Variants in PDE7B observed in about 807,000 individuals in gnomAD.
PDE7B encodes 3',5'-cyclic-AMP phosphodiesterase 7B.
Under a neutral mutation model 56.2 loss-of-function variants are expected in PDE7B, and 29 were observed. The observed-to-expected ratio is 0.52, with a 90% CI of 0.38 to 0.70. The LOEUF is 0.70. Among genes scored for constraint, PDE7B ranks in the 30% least tolerant of loss-of-function variants. PDE7B has a pLI of 0.00. For synonymous variants in PDE7B, 197 were observed against 196.9 expected, an observed-to-expected ratio of 1.00 and a Z score of 0.00; for missense variants, 490 against 565.0, an observed-to-expected ratio of 0.87 and a Z score of 1.35.
At chr6:136,096,677 T>C (rs1233887387) in intron 2 of PDE7B, among the ~76,000 whole-genome samples, 1 of 152,028 alleles carries the variant, frequency 6.6e-6, no homozygotes, top group Non-Finnish European at 1.5e-5. Context: ...ACTATTATTC[T>C]TAAGATCAGC....
intron 9 of PDE7B, among the ~76,000 whole-genome samples, chr6:136,175,362 G>A (rs1406844678): frequency 6.6e-6 from 1 of 152,110 alleles, no homozygotes; most frequent in Non-Finnish European, 1.5e-5. Flanking sequence ...ATTGTAGAAA[G>A]TAAGGAAAAT....
chr6:135,948,092 T>C (rs1242238545), intron 2 of PDE7B, among the ~76,000 whole-genome samples: 2 of 151,984 alleles, frequency 1.3e-5, no homozygotes, highest in South Asian at 2.1e-4. Flanking sequence ...TGTTAGGTAA[T>C]GAAGTTGGTA....
At position 135,877,626 on chromosome 6, in the gene PDE7B, T is replaced by C. The variant is rs1472971050; in HGVS notation, c.21+25607T>C. Among the ~76,000 whole-genome samples the C allele has an allele frequency of 3.3e-5, 5 of 152,012 alleles. No individual in the cohort carries two copies. The South Asian group carries it at 8.3e-4, about 25-fold the overall frequency. On this transcript the variant is annotated intron_variant, in intron 1 of 12. Coordinates refer to ENST00000308191, the MANE Select transcript of PDE7B (RefSeq NM_018945.4). ...ATTGGACAATAAAACCCTAACCCTA[T>C]ACCAGAGGTCTCAGAAGTCATTAAT...
At chr6:136,066,537 C>A (rs1055132243) in intron 2 of PDE7B, among the ~76,000 whole-genome samples, 3 of 152,144 alleles carry the variant, frequency 2.0e-5, no homozygotes, top group African/African-American at 7.2e-5. Flanking sequence ...ATAGCCTGGG[C>A]AACTGCAAAA....
intron 2 of PDE7B, among the ~76,000 whole-genome samples, chr6:136,098,436 T>C (rs1777507113): frequency 6.6e-6 from 1 of 152,210 alleles, no homozygotes; most frequent in Admixed American, 6.5e-5. Context: ...ATCATCAATC[T>C]AGAAGAAGGA....
chr6:136,097,517 T>C (rs1774368016), intron 2 of PDE7B, among the ~76,000 whole-genome samples: 1 of 152,166 alleles, frequency 6.6e-6, no homozygotes, highest in South Asian at 2.1e-4. Flanking sequence ...TTTTCTCACC[T>C]GGACTCTTAA....
chr6:136,153,030 T>A (rs371465628), intron 6 of PDE7B, among the ~76,000 whole-genome samples: 2 of 152,218 alleles, frequency 1.3e-5, no homozygotes, highest in East Asian at 1.9e-4. Flanking sequence ...ATATACCTGC[T>A]GAATAAAAAG....
intron 2 of PDE7B, 114 bp from the exon 3 acceptor site, chr6:136,108,617 T>C (rs1048336246): frequency 3.9e-5 from 29 of 752,048 alleles, no homozygotes; most frequent in South Asian, 3.7e-4. Flanking sequence ...GTATGGTGAA[T>C]GGGAACCATT....
At chr6:135,959,470 C>CA (rs1358272510) in intron 2 of PDE7B, among the ~76,000 whole-genome samples, 1 of 152,002 alleles carries the variant, frequency 6.6e-6, no homozygotes, top group East Asian at 1.9e-4. Context: ...ATATTGAACT[C>CA]AAAAATACAT....
At chr6:136,131,661 C>G (rs1386495663) in intron 3 of PDE7B, among the ~76,000 whole-genome samples, 1 of 152,078 alleles carries the variant, frequency 6.6e-6, no homozygotes, top group Non-Finnish European at 1.5e-5. Flanking sequence ...TGTATAATAA[C>G]ATAATAATCA....
At chr6:136,053,850 A>G (rs1776679307) in intron 2 of PDE7B, among the ~76,000 whole-genome samples, 1 of 152,148 alleles carries the variant, frequency 6.6e-6, no homozygotes, top group African/African-American at 2.4e-5. Flanking sequence ...GGCTGCACAA[A>G]TGTCTTCTTT....
intron 1 of PDE7B, among the ~76,000 whole-genome samples, chr6:135,854,515 A>G (rs1043017454): frequency 5.3e-5 from 8 of 152,178 alleles, no homozygotes; most frequent in African/African-American, 1.9e-4. Context: ...TCTATGTTCT[A>G]GGGGGTACAT....
intron 3 of PDE7B, among the ~76,000 whole-genome samples, chr6:136,116,492 G>T (rs1486051890): frequency 6.6e-6 from 1 of 152,246 alleles, no homozygotes; most frequent in Non-Finnish European, 1.5e-5. Context: ...GACTGTGATG[G>T]CTGTAGAGAT....
At chr6:136,009,199 T>C (rs868850827) in intron 2 of PDE7B, among the ~76,000 whole-genome samples, 47 of 152,146 alleles carry the variant, frequency 3.1e-4, no homozygotes, top group African/African-American at 1.1e-3. Flanking sequence ...TCTATATCTC[T>C]GTTTTGGTAC....
chr6:135,905,871 T>C (rs1382360410), intron 1 of PDE7B, among the ~76,000 whole-genome samples: 1 of 152,182 alleles, frequency 6.6e-6, no homozygotes, highest in Non-Finnish European at 1.5e-5. Context: ...GGAGTGGTGG[T>C]CACAGGCATC....
At chr6:136,121,081 C>T (rs1001178655) in intron 3 of PDE7B, among the ~76,000 whole-genome samples, 2 of 152,186 alleles carry the variant, frequency 1.3e-5, no homozygotes, top group Non-Finnish European at 1.5e-5. Context: ...AACAAGTTTT[C>T]CCTGTCCCTC....
intron 1 of PDE7B, among the ~76,000 whole-genome samples, chr6:135,925,988 G>T (rs1774176666): frequency 6.7e-6 from 1 of 149,106 alleles, no homozygotes; most frequent in Admixed American, 6.9e-5. Flanking sequence ...CAAAAGAAAA[G>T]AATATAAATT....
At chr6:135,933,958 A>G (rs1487496386) in intron 1 of PDE7B, among the ~76,000 whole-genome samples, 2 of 152,192 alleles carry the variant, frequency 1.3e-5, no homozygotes, top group Non-Finnish European at 2.9e-5. Flanking sequence ...AGGCAACCCA[A>G]TGATTTGGGA....
intron 2 of PDE7B, chr6:136,034,752 A>C (rs1465715352): frequency 6.0e-6 from 1 of 167,866 alleles, no homozygotes; most frequent in East Asian, 1.6e-4. Flanking sequence ...TCTCCAACCC[A>C]GTCACCTGCT....
Sources: allele counts gnomAD v4.1 joint callset (sites outside exome capture counted in the v4.1 genomes callset), GRCh38; gene constraint gnomAD v4.1.1; transcripts MANE v1.5; gene names NCBI Gene and HGNC (gene_info 2026-07-23, HGNC 2026-07-21).